Variants in ANK1 observed in about 807,000 individuals in gnomAD.
ANK1 encodes the protein ankyrin 1, also known as ankyrin-1.
In ANK1, 51 loss-of-function variants were observed where a neutral mutation model predicts 210.4. That is an observed-to-expected ratio of 0.24 (90% CI 0.19 to 0.31). ANK1 has a LOEUF of 0.31. Among genes scored for constraint, ANK1 ranks in the 10% least tolerant of loss-of-function variants. The pLI, the probability that ANK1 is intolerant of heterozygous loss-of-function variation, is 1.00. For missense variants in ANK1, 2,051 were observed against 2,504.4 expected (o/e 0.82, Z 3.86); for synonymous variants, 967 against 1,025.9 (o/e 0.94, Z 1.10).
At chr8:41,678,266 G>A (rs536380532) in intron 37 of ANK1, among the ~76,000 whole-genome samples, 1 of 152,144 alleles carries the variant, frequency 6.6e-6, no homozygotes, top group East Asian at 1.9e-4. Flanking sequence ...AGCCTCTCAA[G>A]TAGCTGGGAC....
chr8:41,816,266 G>A (rs1319567307), intron 1 of ANK1, among the ~76,000 whole-genome samples: 2 of 152,152 alleles, frequency 1.3e-5, no homozygotes, highest in African/African-American at 2.4e-5. Flanking sequence ...TTGTCTTACT[G>A]ATGTGATTGA....
intron 1 of ANK1, among the ~76,000 whole-genome samples, chr8:41,849,546 A>G (rs1274660978): frequency 6.6e-6 from 1 of 151,624 alleles, no homozygotes. Context: ...GTAGTCATTT[A>G]TCAGGAGTTC....
intron 1 of ANK1, among the ~76,000 whole-genome samples, chr8:41,877,915 G>C (rs907521513): frequency 2.0e-5 from 3 of 152,188 alleles, no homozygotes; most frequent in African/African-American, 7.2e-5. Context: ...AGGCGAGTAG[G>C]GCTGTGGCCG....
chr8:41,698,307 C>T (rs1016172590), intron 23 of ANK1, among the ~76,000 whole-genome samples, 186 bp from the exon 24 acceptor site: 4 of 152,214 alleles, frequency 2.6e-5, no homozygotes, highest in South Asian at 2.1e-4. Context: ...CTGCACTTGT[C>T]GCCCCTTTCT....
rs1056026523 is a variant in ANK1, at chr8:41,842,808, A to AT, written c.126+53546dup. Among the ~76,000 whole-genome samples, 12 of 152,272 alleles carry AT rather than the reference A, an allele frequency of 7.9e-5. 1 individual carries two copies. The highest frequency in any genetic ancestry group is 6.5e-4 in the Admixed American group (10 of 15,300). On this transcript the variant is annotated intron_variant, in intron 1 of 42. Coordinates refer to the ANK1 transcript ENST00000265709. ...ACTGTGTGAATCTATTATTTAGATT[A>AT]TTTAGATAAAATTACTGAACACATT...
intron 1 of ANK1, among the ~76,000 whole-genome samples, chr8:41,820,993 C>A (rs1454833617): frequency 6.6e-6 from 1 of 152,198 alleles, no homozygotes; most frequent in Non-Finnish European, 1.5e-5. Flanking sequence ...GAGCAACTCT[C>A]TCCCTGATAT....
intron 1 of ANK1, among the ~76,000 whole-genome samples, chr8:41,778,317 C>T (rs776857864): frequency 2.0e-5 from 3 of 152,172 alleles, no homozygotes; most frequent in Non-Finnish European, 4.4e-5. Flanking sequence ...CAATTAAATA[C>T]CAAACGAGAG....
intron 1 of ANK1, among the ~76,000 whole-genome samples, chr8:41,825,352 A>G (rs1805185894): frequency 6.6e-6 from 1 of 152,222 alleles, no homozygotes; most frequent in African/African-American, 2.4e-5. Context: ...TTTCATCACA[A>G]TTATTAGTAA....
At chr8:41,741,524 G>A (rs1378490884) in intron 2 of ANK1, among the ~76,000 whole-genome samples, 3 of 151,516 alleles carry the variant, frequency 2.0e-5, no homozygotes, top group East Asian at 1.9e-4. Flanking sequence ...AGGCTGCAGT[G>A]AGCTATGATT....
intron 1 of ANK1, among the ~76,000 whole-genome samples, chr8:41,836,566 C>T (rs571112757): frequency 2.0e-5 from 3 of 152,176 alleles, no homozygotes; most frequent in Non-Finnish European, 4.4e-5. Context: ...TTCTTCAGTG[C>T]CCTGGCTTCC....
At chr8:41,686,362 G>A in intron 35 of ANK1, 79 bp from the exon 36 acceptor site, 2 of 1,594,612 alleles carry the variant, frequency 1.3e-6, no homozygotes, top group Non-Finnish European at 1.7e-6. Flanking sequence ...AGGCTGGGTG[G>A]GCACTGGGGC....
chr8:41,858,345 CAAAA>C (rs59851207), intron 1 of ANK1, among the ~76,000 whole-genome samples: 1 of 96,938 alleles, frequency 1.0e-5, no homozygotes, highest in Non-Finnish European at 2.3e-5. Context: ...GACTCCATCT[CAAAA>C]AAAAAAAAAA....
chr8:41,718,481 G>A (rs746897018), intron 10 of ANK1, among the ~76,000 whole-genome samples: 10 of 152,158 alleles, frequency 6.6e-5, no homozygotes, highest in Non-Finnish European at 2.9e-5. Flanking sequence ...TATTTTGGAT[G>A]CACTAAAAGA....
In ANK1 at chr8:41,723,158, C is replaced by T. The variant is rs373060967; in HGVS notation, c.876G>A (p.Leu292=). Residue 292 remains leucine, a synonymous_variant, in exon 9 of 43, where the codon CTG becomes CTA. Transcript: ENST00000289734. ...TGGCTTGGATTGGTGCCCCGTGGTCCAGCAGGATCTCTGAGATTCGCACGT... is the reference window on the plus strand; with the variant it reads ...TGGCTTGGATTGGTGCCCCGTGGTCTAGCAGGATCTCTGAGATTCGCACGT... The part of the protein sequence containing the change: ...NGHVRISEIL[L]DHGAPIQAKT... 5.5e-4 allele frequency: 880 copies of T among 1,614,156 alleles called. 2 individuals are homozygous for T. Among genetic ancestry groups the T allele is most frequent in the Non-Finnish European group, 6.9e-4 (819 of 1,180,036 alleles).
chr8:41,800,863 C>T (rs377767192), upstream of ANK1, among the ~76,000 whole-genome samples: 21 of 152,038 alleles, frequency 1.4e-4, no homozygotes, highest in Admixed American at 1.2e-3. Context: ...TACAGGCACA[C>T]GCCACCATGC....
At position 41,699,324 on chromosome 8, in the gene ANK1, C is replaced by T. The variant is rs57017888; in HGVS notation, c.2558+128G>A. 0.031 allele frequency: 27,553 copies of T among 881,576 alleles called. 562 individuals carry two copies. Among genetic ancestry groups the T allele is most frequent in the African/African-American group, 0.072 (4,413 of 61,260 alleles). 54.6% of individuals were successfully genotyped at this position (881,576 alleles called of 1,614,324 possible). Reference sequence around the variant, plus strand: ...AGCTAGCTCATCCTAAGGTGCAAACCGTCTCTCTCTGCGGGCAGCGAGCCC... The same window carrying T: ...AGCTAGCTCATCCTAAGGTGCAAACTGTCTCTCTCTGCGGGCAGCGAGCCC... On this transcript the variant is annotated intron_variant, in intron 23 of 42. Coordinates refer to ENST00000289734, the MANE Select transcript of ANK1 (RefSeq NM_000037.4).
At chr8:41,775,018 CA>C (rs1191654868) in intron 1 of ANK1, among the ~76,000 whole-genome samples, 1 of 151,982 alleles carries the variant, frequency 6.6e-6, no homozygotes, top group Admixed American at 6.5e-5. Flanking sequence ...AATGCAAAAT[CA>C]AAATCATTGG....
In ANK1 at chr8:41,694,520, G is replaced by A. The variant is rs1820257854; in HGVS notation, c.3327+72C>T. On this transcript the variant is annotated intron_variant, in intron 28 of 42. Coordinates refer to ENST00000289734, the MANE Select transcript of ANK1 (RefSeq NM_000037.4). This position sits in a 1 kb window ranked among gnomAD's most constrained non-coding sequence, Gnocchi z 5.7. ...GACAAAAGTGTGGGGATGTCCTGGG[G>A]AAGAGGGTGGCCTTCCCGGAGGCCT... The A allele has an allele frequency of 2.3e-5, 33 of 1,422,892 alleles. 1 individual carries two copies. The South Asian group carries it at 3.7e-4, about 16-fold the overall frequency. The allele number at this position is 1,422,892 out of a possible 1,614,324, so 88.1% of individuals were successfully genotyped here. A position where few individuals can be genotyped will look rare whatever the true frequency, so the allele number is the denominator to read the frequency against.
intron 1 of ANK1, among the ~76,000 whole-genome samples, chr8:41,847,760 G>A (rs1810340775): frequency 6.6e-6 from 1 of 152,126 alleles, no homozygotes; most frequent in Non-Finnish European, 1.5e-5. Context: ...CCCCACATAC[G>A]CACCCAAATT....
Sources: gnomAD v4.1 joint callset for allele counts (sites outside exome capture counted in the v4.1 genomes callset) on GRCh38, gnomAD v4.1.1 for gene constraint, Gnocchi (gnomAD v3.1) non-coding constraint, MANE v1.5 for transcripts, NCBI Gene and HGNC (gene_info 2026-07-23, HGNC 2026-07-21) for gene names.